EXOC6B: variants seen among roughly 807,000 people sequenced by gnomAD.
The protein encoded by EXOC6B is exocyst complex component 6B.
Under a neutral mutation model 113.5 loss-of-function variants are expected in EXOC6B, and 54 were observed. The observed-to-expected ratio is 0.48, with a 90% CI of 0.38 to 0.60. The LOEUF (loss-of-function observed/expected upper bound fraction) is 0.60, where lower values mean the gene tolerates loss of function less well. EXOC6B is among the 20% of genes least tolerant of loss of function. The pLI, the probability that EXOC6B is intolerant of heterozygous loss-of-function variation, is 0.00. For synonymous variants in EXOC6B, 357 were observed against 339.0 expected, an observed-to-expected ratio of 1.05 and a Z score of -0.58; for missense variants, 797 against 977.5, an observed-to-expected ratio of 0.82 and a Z score of 2.46.
intron 20 of EXOC6B, among the ~76,000 whole-genome samples, chr2:72,293,553 C>T (rs1685940220): frequency 6.6e-6 from 1 of 151,952 alleles, no homozygotes; most frequent in African/African-American, 2.4e-5. Flanking sequence ...TCAATGTGCC[C>T]TTCAGCTATG....
At chr2:72,580,731 C>T (rs1384400904) in intron 6 of EXOC6B, among the ~76,000 whole-genome samples, 1 of 152,164 alleles carries the variant, frequency 6.6e-6, no homozygotes, top group African/African-American at 2.4e-5. Context: ...ACACTTCTTG[C>T]TGCCTGCCCT....
chr2:72,220,034 C>T (rs933056442), intron 20 of EXOC6B, among the ~76,000 whole-genome samples: 8 of 152,234 alleles, frequency 5.3e-5, no homozygotes, highest in African/African-American at 1.9e-4. Context: ...AAAGTATCAA[C>T]TTACTTCTCA....
chr2:72,640,957 G>A (rs1456089197), intron 6 of EXOC6B, among the ~76,000 whole-genome samples: 1 of 152,160 alleles, frequency 6.6e-6, no homozygotes, highest in Non-Finnish European at 1.5e-5. Context: ...CACAGGATTA[G>A]CCAGATTCAT....
rs1169206131 is a variant in EXOC6B, at chr2:72,401,626, T to C, written c.1981-21756A>G. Among the ~76,000 whole-genome samples the C allele has an allele frequency of 4.6e-3, 214 of 46,902 alleles. 12 individuals are homozygous for C. Among genetic ancestry groups the C allele is most frequent in the Non-Finnish European group, 6.2e-3 (190 of 30,540 alleles). The allele number at this position is 46,902 out of a possible 152,430, so 30.8% of individuals were successfully genotyped here. A position where few individuals can be genotyped will look rare whatever the true frequency, so the allele number is the denominator to read the frequency against. ...ATGTGTATATATATATATATACATA[T>C]ATATATATATACATATATACATATA... On this transcript the variant is annotated intron_variant, in intron 18 of 21. Coordinates refer to ENST00000272427, the MANE Select transcript of EXOC6B (RefSeq NM_015189.3).
rs1703719168 is a variant in EXOC6B at position 72,558,760 on chromosome 2, ACT to A, written c.915+691_915+692del. On this transcript the variant is annotated intron_variant, in intron 8 of 21. Transcript: ENST00000272427. ...CTCCAGCCTAGGCAACAAGAGCAAAACTCTGTCTCAAAAAGAAAAAAAAAAGA... is the reference window on the plus strand; with the variant it reads ...CTCCAGCCTAGGCAACAAGAGCAAAACTGTCTCAAAAAGAAAAAAAAAAGA... 4.6e-5 allele frequency among the ~76,000 whole-genome samples: 7 copies of A among 152,110 alleles called. No homozygotes were observed. The South Asian group carries it at 1.5e-3, about 32-fold the overall frequency.
intron 17 of EXOC6B, among the ~76,000 whole-genome samples, chr2:72,469,587 G>C (rs1437424792): frequency 2.0e-5 from 3 of 151,892 alleles, no homozygotes; most frequent in Admixed American, 1.3e-4. Context: ...CAAATAATTT[G>C]ACATTTTCTA....
intron 20 of EXOC6B, among the ~76,000 whole-genome samples, chr2:72,196,276 A>G (rs1035024518): frequency 2.0e-5 from 3 of 152,226 alleles, no homozygotes; most frequent in African/African-American, 7.2e-5. Flanking sequence ...ATTACAAATT[A>G]CAACCCAGGC....
intron 20 of EXOC6B, among the ~76,000 whole-genome samples, chr2:72,276,393 T>G (rs190733673): frequency 2.0e-4 from 30 of 152,224 alleles, no homozygotes; most frequent in African/African-American, 6.7e-4. Flanking sequence ...GAGGTAGGTG[T>G]TTTCTCCAGA....
At chr2:72,191,709 T>C (rs1399111739) in intron 20 of EXOC6B, among the ~76,000 whole-genome samples, 8 of 152,158 alleles carry the variant, frequency 5.3e-5, no homozygotes, top group African/African-American at 1.9e-4. Flanking sequence ...GACAGCATTA[T>C]AATAGTAGAA....
At chr2:72,461,351 A>C (rs1697656139) in intron 18 of EXOC6B, 2 of 147,942 alleles carry the variant, frequency 1.4e-5, no homozygotes, top group Admixed American at 1.3e-4. Context: ...TAAAACTTAA[A>C]GTATTAAAAA....
chr2:72,365,254 C>T (rs115777765), intron 19 of EXOC6B, among the ~76,000 whole-genome samples: 1 of 148,778 alleles, frequency 6.7e-6, no homozygotes, highest in Non-Finnish European at 1.5e-5. Context: ...TTAAAAAAAA[C>T]CCCTAAAAAT....
intron 1 of EXOC6B, among the ~76,000 whole-genome samples, chr2:72,748,851 G>A (rs990569): frequency 0.92 from 139,807 of 152,066 alleles, 64,369 homozygotes; most frequent in East Asian, 0.99. Context: ...GGAGAAGGGG[G>A]AATTGTCCCA....
At chr2:72,294,784 T>C (rs1429643915) in intron 20 of EXOC6B, among the ~76,000 whole-genome samples, 5 of 152,204 alleles carry the variant, frequency 3.3e-5, no homozygotes, top group Non-Finnish European at 5.9e-5. Context: ...GCAATTAGTT[T>C]CAAGAATAAA....
chr2:72,194,469 T>C (rs957338292), intron 20 of EXOC6B, among the ~76,000 whole-genome samples: 1 of 152,180 alleles, frequency 6.6e-6, no homozygotes, highest in Non-Finnish European at 1.5e-5. Flanking sequence ...AACTGTTTGC[T>C]GTGCAATTCA....
intron 6 of EXOC6B, among the ~76,000 whole-genome samples, chr2:72,591,519 C>T (rs1282178815): frequency 6.6e-6 from 1 of 152,100 alleles, no homozygotes; most frequent in African/African-American, 2.4e-5. Flanking sequence ...CAAAAAATGA[C>T]AGCAAAACGG....
intron 6 of EXOC6B, among the ~76,000 whole-genome samples, chr2:72,646,324 C>A (rs1673710543): frequency 6.6e-6 from 1 of 151,144 alleles, no homozygotes; most frequent in African/African-American, 2.4e-5. Flanking sequence ...CAAAAAAAGT[C>A]CAGGACCAGA....
chr2:72,694,377 G>C (rs1035138074), intron 6 of EXOC6B, among the ~76,000 whole-genome samples: 1 of 152,136 alleles, frequency 6.6e-6, no homozygotes, highest in Non-Finnish European at 1.5e-5. Context: ...GGGAGGCGGA[G>C]GTTGCAGTGA....
intron 6 of EXOC6B, among the ~76,000 whole-genome samples, chr2:72,628,204 T>C (rs1187552772): frequency 6.7e-6 from 1 of 149,936 alleles, no homozygotes; most frequent in African/African-American, 2.5e-5. Flanking sequence ...AGCTCACTAC[T>C]GCCTCAAACT....
chr2:72,297,321 T>A lies in EXOC6B; in HGVS notation c.2196+37626A>T, dbSNP rs12468057. On this transcript the variant is annotated intron_variant, in intron 20 of 21. Transcript: ENST00000272427. ...CTCAGGTACTAAGCCCAAAACTCAA[T>A]AGTTGTTTTTTTCCTGTTCCTCTCC... Among the ~76,000 whole-genome samples, 83 of 151,946 alleles carry A rather than the reference T, an allele frequency of 5.5e-4. 2 individuals carry two copies. The highest frequency in any genetic ancestry group is 1.9e-3 in the African/African-American group (79 of 41,408).
Sources: allele counts gnomAD v4.1 joint callset (sites outside exome capture counted in the v4.1 genomes callset), GRCh38; gene constraint gnomAD v4.1.1; transcripts MANE v1.5; gene names NCBI Gene and HGNC (gene_info 2026-07-23, HGNC 2026-07-21).